Variants in NOP14 observed in about 807,000 individuals in gnomAD.
NOP14 encodes the protein nucleolar protein 14.
A neutral mutation model predicts 101.6 loss-of-function variants in NOP14; 57 were observed. That is an observed-to-expected ratio of 0.56 (90% CI 0.45 to 0.70). The LOEUF is 0.70. Ranked by LOEUF, NOP14 falls within the 30% of genes least tolerant of loss-of-function variation. The pLI, the probability that NOP14 is intolerant of heterozygous loss-of-function variation, is 0.00. For synonymous variants in NOP14, 428 were observed against 424.0 expected (o/e 1.01, Z -0.12); for missense variants, 1,134 against 1,075.5 (o/e 1.05, Z -0.76).
At chr4:2,945,037 A>G in intron 12 of NOP14, 91 bp downstream of exon 12, 1 of 862,326 alleles carries the variant, frequency 1.2e-6, no homozygotes, top group South Asian at 1.5e-5. Context: ...TTAAACAGCC[A>G]CACTCATGTT....
chr4:2,938,373 A>T lies in NOP14; in HGVS notation c.*458T>A, dbSNP rs1441919646. Reference sequence around the variant, plus strand: ...CCGTCTCTACTAAAAATACAAAATTAGCTGGGCGTGGTGGCACATGTCTGT... The same window carrying T: ...CCGTCTCTACTAAAAATACAAAATTTGCTGGGCGTGGTGGCACATGTCTGT... On this transcript the variant is annotated 3_prime_UTR_variant, in exon 18 of 18. Transcript: ENST00000416614. 1 of 427,614 alleles carries T rather than the reference A, an allele frequency of 2.3e-6. No individual in the cohort carries two copies. Among genetic ancestry groups the T allele is most frequent in the Admixed American group, 3.1e-5 (1 of 32,268 alleles). 26.5% of individuals were successfully genotyped at this position (427,614 alleles called of 1,614,324 possible). A position where few individuals can be genotyped will look rare whatever the true frequency, so the allele number is the denominator to read the frequency against.
chr4:2,955,603 C>T (rs1231237175), intron 3 of NOP14, among the ~76,000 whole-genome samples: 3 of 152,266 alleles, frequency 2.0e-5, no homozygotes, highest in Non-Finnish European at 4.4e-5. Context: ...ACAGCGCCTC[C>T]TGGCAATGAG....
chr4:2,943,063 C>T lies in NOP14; in HGVS notation c.1892-712G>A, dbSNP rs540481468. On this transcript the variant is annotated intron_variant, in intron 13 of 17. Coordinates refer to ENST00000416614, the MANE Select transcript of NOP14 (RefSeq NM_001291978.2). ...GCCTGTTCCGTCACAGCCCTTCACA[C>T]GTGGGACTGCAGCTATCTACAGGTG... Among the ~76,000 whole-genome samples, 14 of 152,318 alleles carry T rather than the reference C, an allele frequency of 9.2e-5. No homozygotes were observed. In the East Asian group the frequency reaches 2.5e-3, roughly 27 times the overall value.
intron 13 of NOP14, among the ~76,000 whole-genome samples, chr4:2,942,737 C>T (rs538165922): frequency 2.0e-5 from 3 of 152,120 alleles, no homozygotes; most frequent in African/African-American, 7.2e-5. Flanking sequence ...AGACAGAACA[C>T]GAGAAAGGAA....
rs373567724 is a variant in NOP14 at position 2,945,165 on chromosome 4, G to A, written c.1700C>T (p.Thr567Ile). 1.0e-5 allele frequency: 16 copies of A among 1,592,952 alleles called. No individual in the cohort carries two copies. The highest frequency in any genetic ancestry group is 1.3e-5 in the African/African-American group (1 of 74,676). ...PTSDFWHPVV[T>I]PALVCLSQLL... ...CTGACTGAGGCACACGAGGGCAGGG[G>A]TCACCACTGGGTGCCAGAAGTCGGA... Residue 567 changes from threonine to isoleucine, a missense_variant, in exon 12 of 18, where the codon ACC becomes ATC. Coordinates refer to ENST00000416614, the MANE Select transcript of NOP14 (RefSeq NM_001291978.2).
chr4:2,955,655 C>A (rs1715303229), intron 3 of NOP14, among the ~76,000 whole-genome samples: 1 of 152,270 alleles, frequency 6.6e-6, no homozygotes, highest in Non-Finnish European at 1.5e-5. Context: ...CAGTTACCTC[C>A]AGTCTCGGGG....
At position 2,938,628 on chromosome 4, in the gene NOP14, C is replaced by T. The variant is rs567482328; in HGVS notation, c.*203G>A. 11 of 568,968 alleles carry T rather than the reference C, an allele frequency of 1.9e-5. No homozygotes were observed. The East Asian group carries it at 3.3e-4, about 17-fold the overall frequency. The allele number at this position is 568,968 out of a possible 1,614,324, so 35.2% of individuals were successfully genotyped here. ...TCAAGCAGTCCTCCTGCTTCAGCCT[C>T]CCGAGTAGTTGGGACTACAGGTGCG... On this transcript the variant is annotated 3_prime_UTR_variant, in exon 18 of 18. Coordinates refer to ENST00000416614, the MANE Select transcript of NOP14 (RefSeq NM_001291978.2).
At chr4:2,957,562 T>C (rs1418981894) in intron 2 of NOP14, 44 bp downstream of exon 2, 2 of 1,607,634 alleles carry the variant, frequency 1.2e-6, no homozygotes, top group Middle Eastern at 1.7e-4. Flanking sequence ...TTGACTTCCC[T>C]GTGAAATGTA....
At chr4:2,952,037 G>A (rs1459358399) in intron 6 of NOP14, among the ~76,000 whole-genome samples, 3 of 151,574 alleles carry the variant, frequency 2.0e-5, no homozygotes, top group African/African-American at 7.3e-5. Flanking sequence ...AACCCAGGAG[G>A]TGGAGTTTGC....
At chr4:2,943,731 C>CA (rs1192399455) in intron 13 of NOP14, among the ~76,000 whole-genome samples, 3 of 152,220 alleles carry the variant, frequency 2.0e-5, no homozygotes, top group Admixed American at 6.5e-5. Context: ...CCCCAAATAC[C>CA]AAAATATTAT....
chr4:2,950,450 G>C (rs1173086408), intron 7 of NOP14: 1 of 567,684 alleles, frequency 1.8e-6, no homozygotes, highest in East Asian at 3.0e-5. Context: ...GATGCTGGGC[G>C]CGGTTCAGCT....
chr4:2,958,175 A>G (rs1715477274), intron 1 of NOP14, among the ~76,000 whole-genome samples: 1 of 152,232 alleles, frequency 6.6e-6, no homozygotes, highest in Non-Finnish European at 1.5e-5. Context: ...GTGAGTTCAT[A>G]CTAGACACAA....
chr4:2,943,970 CCTCTACTTTCGCATATT>C lies in NOP14; in HGVS notation c.1891+86_1891+102del, dbSNP rs1308368316. The C allele has an allele frequency of 4.3e-6, 4 of 936,438 alleles. No individual in the cohort carries two copies. The Admixed American group carries it at 1.0e-4, about 24-fold the overall frequency. 58.0% of individuals were successfully genotyped at this position (936,438 alleles called of 1,614,324 possible). A position where few individuals can be genotyped will look rare whatever the true frequency, so the allele number is the denominator to read the frequency against. ...GCGGCGGGTGGCAGGTTGTGTGTTT[CCTCTACTTTCGCATATT>C]CTAAACTTTCTACAATGAGTATGAA... On this transcript the variant is annotated intron_variant, in intron 13 of 17. Coordinates refer to ENST00000416614, the MANE Select transcript of NOP14 (RefSeq NM_001291978.2).
At chr4:2,954,637 C>T in intron 3 of NOP14, 74 bp from the exon 4 acceptor site, 1 of 1,524,642 alleles carries the variant, frequency 6.6e-7, no homozygotes, top group South Asian at 1.2e-5. Flanking sequence ...TAGCACTCTG[C>T]CAGTGCTTCC....
intron 3 of NOP14, among the ~76,000 whole-genome samples, chr4:2,956,459 A>C (rs3021146): frequency 6.6e-6 from 1 of 151,960 alleles, no homozygotes; most frequent in Non-Finnish European, 1.5e-5. Context: ...AAAAGCATCT[A>C]TCTACACACC....
chr4:2,944,501 G>T (rs1714463828), intron 12 of NOP14, among the ~76,000 whole-genome samples: 1 of 152,174 alleles, frequency 6.6e-6, no homozygotes, highest in Non-Finnish European at 1.5e-5. Flanking sequence ...CCACCTCCCG[G>T]GTTCAAGTGA....
At chr4:2,940,445 C>T (rs910768295) in intron 15 of NOP14, 2 of 152,244 alleles carry the variant, frequency 1.3e-5, no homozygotes, top group Non-Finnish European at 2.9e-5. Context: ...GACCATGAGA[C>T]CTGCTGTGCC....
chr4:2,941,507 C>T (rs2109291696), intron 15 of NOP14, 75 bp downstream of exon 15: 6 of 1,396,228 alleles, frequency 4.3e-6, no homozygotes, highest in South Asian at 2.7e-5. Flanking sequence ...AAATGACTGA[C>T]TGCCACCAGC....
chr4:2,961,138 A>G (rs1454124850), intron 1 of NOP14, among the ~76,000 whole-genome samples: 1 of 45,410 alleles, frequency 2.2e-5, no homozygotes, highest in East Asian at 4.9e-4. Context: ...ATAATATATT[A>G]ATATACTAAT....
Sources: allele counts gnomAD v4.1 joint callset (sites outside exome capture counted in the v4.1 genomes callset), GRCh38; gene constraint gnomAD v4.1.1; transcripts MANE v1.5; gene names NCBI Gene and HGNC (gene_info 2026-07-23, HGNC 2026-07-21).